The following SULT4A1 variants were observed in gnomAD, a reference collection of about 807,000 sequenced individuals.
SULT4A1 encodes sulfotransferase 4A1.
A neutral mutation model predicts 35.2 loss-of-function variants in SULT4A1; 11 were observed. That is an observed-to-expected ratio of 0.31 (90% CI 0.20 to 0.52). The LOEUF is 0.52. Ranked by LOEUF, SULT4A1 falls within the 20% of genes least tolerant of loss-of-function variation. The probability of loss-of-function intolerance (pLI) is 0.97; values close to 1 mark genes in which losing one functional copy is unlikely to be tolerated. For missense variants in SULT4A1, 271 were observed against 383.7 expected, an observed-to-expected ratio of 0.71 and a Z score of 2.45; for synonymous variants, 152 against 151.8, an observed-to-expected ratio of 1.00 and a Z score of -0.01.
intron 1 of SULT4A1, among the ~76,000 whole-genome samples, chr22:43,854,454 G>A (rs1160075701): frequency 1.3e-5 from 2 of 152,190 alleles, no homozygotes; most frequent in East Asian, 1.9e-4. Context: ...GACCAGCTGG[G>A]AAAGAATCAG....
At chr22:43,855,628 C>T (rs1468078352) in intron 1 of SULT4A1, among the ~76,000 whole-genome samples, 1 of 152,206 alleles carries the variant, frequency 6.6e-6, no homozygotes, top group Non-Finnish European at 1.5e-5. Context: ...CTCCAGAAGC[C>T]CACGCTAGGA....
chr22:43,847,549 G>A (rs1177429911), intron 1 of SULT4A1, among the ~76,000 whole-genome samples: 1 of 152,116 alleles, frequency 6.6e-6, no homozygotes. Flanking sequence ...GGGCTCCTGA[G>A]GTCCCAGTGA....
intron 1 of SULT4A1, among the ~76,000 whole-genome samples, chr22:43,859,693 A>G (rs2049443509): frequency 6.6e-6 from 1 of 152,250 alleles, no homozygotes; most frequent in Non-Finnish European, 1.5e-5. Context: ...ATGGGCTCCT[A>G]CTGTCTGGAT....
chr22:43,835,123 G>A (rs1032006863), intron 4 of SULT4A1, among the ~76,000 whole-genome samples: 11 of 145,952 alleles, frequency 7.5e-5, no homozygotes, highest in African/African-American at 2.0e-4. Flanking sequence ...CAGCCACACC[G>A]CAGCCCTGAG....
intron 1 of SULT4A1, among the ~76,000 whole-genome samples, chr22:43,860,046 C>T (rs189690225): frequency 1.3e-3 from 196 of 152,280 alleles, no homozygotes; most frequent in African/African-American, 3.5e-3. Context: ...ATTGCCTTAG[C>T]CACCAGAAAG....
chr22:43,861,526 G>T (rs2049468028), intron 1 of SULT4A1, among the ~76,000 whole-genome samples: 1 of 152,188 alleles, frequency 6.6e-6, no homozygotes, highest in Non-Finnish European at 1.5e-5. Context: ...TCCCCTCTCT[G>T]AGCCTCTGTG....
At chr22:43,827,474 C>T in intron 6 of SULT4A1, 2 of 1,254,864 alleles carry the variant, frequency 1.6e-6, no homozygotes, top group Non-Finnish European at 2.1e-6. Context: ...TTATTTTTCT[C>T]AGCTGAGACA....
At chr22:43,826,377 G>A (rs1031201967) in intron 6 of SULT4A1, 5 of 985,232 alleles carry the variant, frequency 5.1e-6, no homozygotes, top group Non-Finnish European at 6.0e-6. Flanking sequence ...ACCTCCTGGT[G>A]CCATTCCACA....
intron 1 of SULT4A1, among the ~76,000 whole-genome samples, chr22:43,842,592 T>G (rs2063442604): frequency 6.6e-6 from 1 of 152,072 alleles, no homozygotes; most frequent in South Asian, 2.1e-4. Context: ...AGATAGGATG[T>G]GACGGAACTG....
intron 5 of SULT4A1, among the ~76,000 whole-genome samples, chr22:43,829,646 G>A (rs1188309183): frequency 5.3e-5 from 8 of 152,224 alleles, no homozygotes; most frequent in Non-Finnish European, 1.0e-4. Context: ...TGGGCAGGGA[G>A]CCCGCTTCAT....
intron 1 of SULT4A1, among the ~76,000 whole-genome samples, chr22:43,846,001 C>T (rs1049889978): frequency 6.6e-6 from 1 of 152,212 alleles, no homozygotes; most frequent in Non-Finnish European, 1.5e-5. Flanking sequence ...TTCAACCCAG[C>T]GGCCAAAACT....
intron 5 of SULT4A1, among the ~76,000 whole-genome samples, chr22:43,829,755 C>T (rs959067442): frequency 1.3e-5 from 2 of 152,214 alleles, no homozygotes; most frequent in Non-Finnish European, 2.9e-5. Flanking sequence ...CTTGAGGGGG[C>T]CATTCCCCAG....
rs371765666 is a variant in SULT4A1 at position 43,854,641 on chromosome 22, G to A, written c.169+7573C>T. On this transcript the variant is annotated intron_variant, in intron 1 of 6. Transcript: ENST00000330884. The stretch of plus-strand genomic sequence containing the variant: ...CTTCCCACCTGGCCACAGAGGAACA[G>A]GCCCAGAAGTGCAGGGAGCCGACGC... 3.3e-5 allele frequency among the ~76,000 whole-genome samples: 5 copies of A among 152,298 alleles called. No homozygotes were observed. The East Asian group carries it at 7.7e-4, about 24-fold the overall frequency.
At chr22:43,856,464 T>C (rs1049994328) in intron 1 of SULT4A1, among the ~76,000 whole-genome samples, 3 of 152,118 alleles carry the variant, frequency 2.0e-5, no homozygotes, top group African/African-American at 7.2e-5. Context: ...GAAAAAGCCC[T>C]ACCCAGACCC....
rs553342745 is a variant in SULT4A1 at position 43,861,810 on chromosome 22, T to C, written c.169+404A>G. On this transcript the variant is annotated intron_variant, in intron 1 of 6. Coordinates refer to ENST00000330884, the MANE Select transcript of SULT4A1 (RefSeq NM_014351.4). ...CCTTCCCAGGTGAACACCAGGACTT[T>C]GCACTCATCAAAGGTTGGGCAGGAT... is the stretch of plus-strand genomic sequence containing the variant. 7.8e-4 allele frequency among the ~76,000 whole-genome samples: 119 copies of C among 152,322 alleles called. 1 individual carries two copies. The highest frequency in any genetic ancestry group is 2.2e-3 in the African/African-American group (92 of 41,590).
At chr22:43,840,568 A>G (rs1032541562) in intron 2 of SULT4A1, among the ~76,000 whole-genome samples, 3 of 152,056 alleles carry the variant, frequency 2.0e-5, no homozygotes, top group Non-Finnish European at 4.4e-5. Context: ...CCCGGCTTGG[A>G]GTGGCGTCGG....
intron 1 of SULT4A1, among the ~76,000 whole-genome samples, chr22:43,860,255 C>T (rs2049450575): frequency 6.6e-6 from 1 of 152,148 alleles, no homozygotes; most frequent in South Asian, 2.1e-4. Flanking sequence ...GGCTACTTGC[C>T]CCAACCCCAG....
intron 1 of SULT4A1, among the ~76,000 whole-genome samples, chr22:43,844,532 G>A (rs142737135): frequency 3.3e-5 from 5 of 152,322 alleles, no homozygotes; most frequent in Non-Finnish European, 4.4e-5. Flanking sequence ...ACTCAGGTCC[G>A]ACGGCCTCCA....
At chr22:43,839,491 G>A (rs187879527) in intron 3 of SULT4A1, among the ~76,000 whole-genome samples, 151 of 152,322 alleles carry the variant, frequency 9.9e-4, no homozygotes, top group African/African-American at 3.6e-3. Context: ...CTACTCAGGA[G>A]GCTGAGGCAG....
Sources: gnomAD v4.1 joint callset for allele counts (sites outside exome capture counted in the v4.1 genomes callset) on GRCh38, gnomAD v4.1.1 for gene constraint, MANE v1.5 for transcripts, NCBI Gene and HGNC (gene_info 2026-07-23, HGNC 2026-07-21) for gene names.